MEIS1: variants seen among roughly 807,000 people sequenced by gnomAD.
The protein encoded by MEIS1 is homeobox protein Meis1.
In MEIS1, 5 loss-of-function variants were observed where a neutral mutation model predicts 50.8. That is an observed-to-expected ratio of 0.10 (90% CI 0.05 to 0.21). The LOEUF (loss-of-function observed/expected upper bound fraction) is 0.21. Among genes scored for constraint, MEIS1 ranks in the 10% least tolerant of loss-of-function variants. The pLI is 1.00. For synonymous variants in MEIS1, 176 were observed against 179.3 expected, an observed-to-expected ratio of 0.98 and a Z score of 0.15; for missense variants, 318 against 517.3, an observed-to-expected ratio of 0.61 and a Z score of 3.74.
chr2:66,508,995 C>T (rs1673755714), intron 7 of MEIS1: 1 of 471,062 alleles, frequency 2.1e-6, no homozygotes, highest in Non-Finnish European at 4.4e-6. Context: ...CTGCTGCCTG[C>T]TGCCGTGTGG....
intron 7 of MEIS1, among the ~76,000 whole-genome samples, chr2:66,494,850 A>C (rs1364705499): frequency 1.3e-5 from 2 of 152,116 alleles, no homozygotes; most frequent in Non-Finnish European, 2.9e-5. Flanking sequence ...GACCGACCTG[A>C]GACTGAGGAC....
intron 7 of MEIS1, among the ~76,000 whole-genome samples, chr2:66,467,268 A>G (rs978860801): frequency 6.6e-6 from 1 of 152,196 alleles, no homozygotes; most frequent in Non-Finnish European, 1.5e-5. Flanking sequence ...AAAGAGTTTT[A>G]GTACACATTT....
intron 9 of MEIS1, among the ~76,000 whole-genome samples, chr2:66,561,595 A>G (rs1220818171): frequency 6.6e-6 from 1 of 152,236 alleles, no homozygotes; most frequent in Non-Finnish European, 1.5e-5. Flanking sequence ...CTAGCTAAAT[A>G]TTAATAAAAG....
At chr2:66,569,247 C>T in intron 12 of MEIS1, 102 bp downstream of exon 12, 1 of 976,926 alleles carries the variant, frequency 1.0e-6, no homozygotes, top group South Asian at 1.6e-5. Context: ...CTTGTTCATT[C>T]CTTTCCATTA....
chr2:66,445,012 T>G (rs1210349035), intron 6 of MEIS1, among the ~76,000 whole-genome samples: 11 of 152,138 alleles, frequency 7.2e-5, no homozygotes, highest in African/African-American at 9.7e-5. Flanking sequence ...ATACAAAAAT[T>G]AATATAATAT....
chr2:66,564,723 T>G (rs1387558578), intron 9 of MEIS1, among the ~76,000 whole-genome samples: 3 of 151,700 alleles, frequency 2.0e-5, no homozygotes, highest in Non-Finnish European at 2.9e-5. Context: ...AGTAATTGTT[T>G]TTTTTTTTTT....
intron 6 of MEIS1, among the ~76,000 whole-genome samples, chr2:66,449,803 T>C (rs1055253618): frequency 6.6e-6 from 1 of 152,196 alleles, no homozygotes; most frequent in Non-Finnish European, 1.5e-5. Context: ...AGAAAATATG[T>C]TCTTGTTAAA....
At chr2:66,535,949 A>C (rs1166655612) in intron 8 of MEIS1, among the ~76,000 whole-genome samples, 1 of 152,226 alleles carries the variant, frequency 6.6e-6, no homozygotes, top group Non-Finnish European at 1.5e-5. Flanking sequence ...ACAATGGATA[A>C]AGAGAAAAGA....
At chr2:66,486,925 T>C (rs115685535) in intron 7 of MEIS1, among the ~76,000 whole-genome samples, 2,962 of 152,306 alleles carry the variant, frequency 0.019, 44 homozygotes, top group Middle Eastern at 0.075. Context: ...TGAATGCTTA[T>C]GATTTTGCAC....
At chr2:66,436,600 G>C (rs758366027) in intron 1 of MEIS1, among the ~76,000 whole-genome samples, 1 of 152,198 alleles carries the variant, frequency 6.6e-6, no homozygotes. Flanking sequence ...TTTGTGTCCT[G>C]GCCCTCAAAG....
chr2:66,472,036 T>A (rs1484176851), intron 7 of MEIS1, among the ~76,000 whole-genome samples: 1 of 152,226 alleles, frequency 6.6e-6, no homozygotes, highest in Non-Finnish European at 1.5e-5. Flanking sequence ...GGCCTTTTCA[T>A]TCTCTTATCC....
chr2:66,436,872 G>GT (rs5831809), intron 1 of MEIS1: 436,157 of 883,836 alleles, frequency 0.49, 36,506 homozygotes, highest in Admixed American at 0.57. Flanking sequence ...TATGAAAGTA[G>GT]TTTTTTTTTT....
chr2:66,461,843 A>T (rs1414062150), intron 6 of MEIS1: 2 of 470,084 alleles, frequency 4.3e-6, no homozygotes, highest in East Asian at 7.0e-5. Context: ...AAATCTTTTC[A>T]TGGTGAATTA....
intron 6 of MEIS1, among the ~76,000 whole-genome samples, chr2:66,445,681 C>A (rs1045964445): frequency 1.3e-5 from 2 of 152,036 alleles, no homozygotes; most frequent in Non-Finnish European, 2.9e-5. Context: ...TACCTGTTTT[C>A]CTCGGAGGGC....
chr2:66,536,748 A>G (rs776711196), intron 8 of MEIS1, among the ~76,000 whole-genome samples: 4 of 152,176 alleles, frequency 2.6e-5, no homozygotes, highest in Non-Finnish European at 4.4e-5. Context: ...AAATGTCTAA[A>G]ACGACTATAC....
intron 8 of MEIS1, among the ~76,000 whole-genome samples, chr2:66,517,873 G>T (rs1430102861): frequency 6.6e-6 from 1 of 152,154 alleles, no homozygotes; most frequent in Non-Finnish European, 1.5e-5. Flanking sequence ...AATGGGATGG[G>T]TGATGAATTT....
Position 66,464,166 on chromosome 2 carries a change from G to A in MEIS1, c.688G>A (p.Gly230Ser), listed in dbSNP as rs1672583867. ...TASTRSGGTP[G>S]PSSGGHTSHS... ...ATCTACTCGTTCAGGAGGAACCCCA[G>A]GCCCTTCCAGCGGTGGCCACACGTC... Residue 230 changes from glycine (G) to serine (S), a missense_variant, in exon 7 of 13, where the codon GGC becomes AGC. By Grantham distance (56) the Gly-to-Ser change is moderately conservative (BLOSUM62 0). Transcript: ENST00000272369. The A allele has an allele frequency of 6.2e-7, 1 of 1,606,426 alleles. No individual in the cohort carries two copies. The highest frequency in any genetic ancestry group is 1.7e-5 in the Admixed American group (1 of 59,134).
intron 6 of MEIS1, among the ~76,000 whole-genome samples, chr2:66,462,426 A>G (rs1038324183): frequency 1.3e-5 from 2 of 152,172 alleles, no homozygotes; most frequent in African/African-American, 4.8e-5. Context: ...GTTCAATTAC[A>G]GTTAATGCAA....
intron 8 of MEIS1, among the ~76,000 whole-genome samples, chr2:66,525,888 C>T (rs916451409): frequency 6.6e-6 from 1 of 152,242 alleles, no homozygotes; most frequent in Non-Finnish European, 1.5e-5. Flanking sequence ...AGCTCCTAGA[C>T]TCCTGCAGAG....
Sources: gnomAD v4.1 joint callset for allele counts (sites outside exome capture counted in the v4.1 genomes callset) on GRCh38, gnomAD v4.1.1 for gene constraint, MANE v1.5 for transcripts, NCBI Gene and HGNC (gene_info 2026-07-23, HGNC 2026-07-21) for gene names.